Variants in MBD5 observed in about 807,000 individuals in gnomAD.
MBD5 encodes methyl-CpG-binding domain protein 5.
Under a neutral mutation model 117.3 loss-of-function variants are expected in MBD5, and 13 were observed. The ratio of observed to expected loss-of-function variants is 0.11; its 90% confidence interval spans 0.07 to 0.18. MBD5 has a LOEUF of 0.18. Ranked by LOEUF, MBD5 falls within the 10% of genes least tolerant of loss-of-function variation. The pLI is 1.00. For missense variants in MBD5, 1,879 were observed against 2,093.8 expected (o/e 0.90, Z 2.00); for synonymous variants, 727 against 766.4 (o/e 0.95, Z 0.85).
chr2:148,059,865 A>T (rs1275806245), intron 1 of MBD5, among the ~76,000 whole-genome samples: 2 of 151,628 alleles, frequency 1.3e-5, no homozygotes, highest in Non-Finnish European at 2.9e-5. Context: ...AAAAAGACAA[A>T]GGAAATTCTT....
At chr2:148,385,372 C>T (rs1704318562) in intron 4 of MBD5, among the ~76,000 whole-genome samples, 1 of 152,208 alleles carries the variant, frequency 6.6e-6, no homozygotes, top group South Asian at 2.1e-4. Context: ...CTCATCATCA[C>T]TGGCCATCAG....
intron 4 of MBD5, among the ~76,000 whole-genome samples, chr2:148,446,409 A>G (rs1486057939): frequency 6.6e-5 from 10 of 152,226 alleles, no homozygotes; most frequent in Admixed American, 5.9e-4. Context: ...AAACAAACAA[A>G]CAAACAAACA....
intron 12 of MBD5, among the ~76,000 whole-genome samples, chr2:148,509,533 G>A (rs1682149428): frequency 6.6e-6 from 1 of 152,184 alleles, no homozygotes; most frequent in African/African-American, 2.4e-5. Context: ...TCAGAGTTAA[G>A]CTGTTTCCCA....
intron 8 of MBD5, among the ~76,000 whole-genome samples, chr2:148,481,528 G>C (rs1034632456): frequency 6.6e-6 from 1 of 151,986 alleles, no homozygotes; most frequent in Non-Finnish European, 1.5e-5. Context: ...TATGTGTTTA[G>C]TATTTTTAAA....
chr2:148,344,490 T>C (rs1294818607), intron 4 of MBD5, among the ~76,000 whole-genome samples: 4 of 151,992 alleles, frequency 2.6e-5, no homozygotes, highest in Non-Finnish European at 5.9e-5. Flanking sequence ...CTGTGATTCC[T>C]AGCAGTGTTT....
chr2:148,151,819 G>C (rs888347968), intron 1 of MBD5, among the ~76,000 whole-genome samples: 1 of 151,752 alleles, frequency 6.6e-6, no homozygotes, highest in Admixed American at 6.6e-5. Context: ...GCGTCTATTT[G>C]ATTCTTCTCT....
At chr2:148,216,319 A>G (rs1409725449) in intron 2 of MBD5, among the ~76,000 whole-genome samples, 2 of 152,212 alleles carry the variant, frequency 1.3e-5, no homozygotes, top group Admixed American at 1.3e-4. Context: ...GTTAACAGTG[A>G]GATCCATTAT....
intron 3 of MBD5, among the ~76,000 whole-genome samples, chr2:148,260,940 A>G (rs1008596574): frequency 1.3e-5 from 2 of 152,214 alleles, no homozygotes; most frequent in Non-Finnish European, 2.9e-5. Context: ...GTCTCTTTGT[A>G]CATCTCCATC....
chr2:148,487,370 G>A (rs2105105873), intron 10 of MBD5, among the ~76,000 whole-genome samples: 1 of 152,284 alleles, frequency 6.6e-6, no homozygotes, highest in South Asian at 2.1e-4. Flanking sequence ...AGGGAGGTAA[G>A]AATGATGCAC....
chr2:148,030,135 G>A (rs542864045), intron 1 of MBD5, among the ~76,000 whole-genome samples: 4 of 151,988 alleles, frequency 2.6e-5, no homozygotes, highest in African/African-American at 9.7e-5. Context: ...GCCAGGCTTG[G>A]TGGCACATAC....
At chr2:148,228,117 G>T (rs1216255482) in intron 2 of MBD5, among the ~76,000 whole-genome samples, 1 of 152,148 alleles carries the variant, frequency 6.6e-6, no homozygotes, top group Non-Finnish European at 1.5e-5. Flanking sequence ...TCTCCTGCCT[G>T]ATTGCCCTGA....
In MBD5 at chr2:148,148,568, T is replaced by A. The variant is rs145727168; in HGVS notation, c.-924-30132T>A. On this transcript the variant is annotated intron_variant, in intron 1 of 13. Coordinates refer to ENST00000642680, the MANE Select transcript of MBD5 (RefSeq NM_001378120.1). ...AGTTTCTAATTCAATAAATCTGAGT[T>A]AGGGCCTGGGAATTATTTTTCCTTT... Among the ~76,000 whole-genome samples, 1,127 of 152,346 alleles carry A rather than the reference T, an allele frequency of 7.4e-3. 12 individuals carry two copies. Among genetic ancestry groups the A allele is most frequent in the African/African-American group, 0.025 (1,052 of 41,578 alleles).
At chr2:148,325,938 T>G (rs950008785) in intron 3 of MBD5, among the ~76,000 whole-genome samples, 3 of 152,186 alleles carry the variant, frequency 2.0e-5, no homozygotes, top group Non-Finnish European at 4.4e-5. Context: ...AGGGTGTCAA[T>G]TTTGGATCTT....
intron 4 of MBD5, among the ~76,000 whole-genome samples, chr2:148,412,396 T>G (rs1352571983): frequency 6.6e-6 from 1 of 151,576 alleles, no homozygotes; most frequent in African/African-American, 2.4e-5. Context: ...TAATGTGATG[T>G]TTCCACCTTT....
intron 8 of MBD5, among the ~76,000 whole-genome samples, chr2:148,479,961 A>G (rs2105044380): frequency 6.6e-6 from 1 of 152,176 alleles, no homozygotes; most frequent in Middle Eastern, 3.4e-3. Flanking sequence ...GAATAAATAT[A>G]TATTTGAGAG....
chr2:148,487,703 AG>A (rs748049298), intron 10 of MBD5, among the ~76,000 whole-genome samples: 2 of 152,146 alleles, frequency 1.3e-5, no homozygotes, highest in Non-Finnish European at 2.9e-5. Context: ...TAGGAATTAA[AG>A]AGTATAGATT....
chr2:148,061,431 T>G (rs1234433), intron 1 of MBD5, among the ~76,000 whole-genome samples: 3 of 151,588 alleles, frequency 2.0e-5, no homozygotes, highest in Non-Finnish European at 4.4e-5. Flanking sequence ...ACTCTTTCCC[T>G]CTACATAATT....
At chr2:148,369,460 G>C (rs921375983) in intron 4 of MBD5, among the ~76,000 whole-genome samples, 1 of 152,060 alleles carries the variant, frequency 6.6e-6, no homozygotes, top group Non-Finnish European at 1.5e-5. Flanking sequence ...GTATTTAGGG[G>C]TAAATTGGAA....
chr2:148,210,597 A>T (rs567745853), intron 2 of MBD5, among the ~76,000 whole-genome samples: 1 of 152,138 alleles, frequency 6.6e-6, no homozygotes, highest in East Asian at 1.9e-4. Flanking sequence ...AGCTGCTTAA[A>T]TTTAGCTCAT....
Sources: gnomAD v4.1 joint callset for allele counts (sites outside exome capture counted in the v4.1 genomes callset) on GRCh38, gnomAD v4.1.1 for gene constraint, MANE v1.5 for transcripts, NCBI Gene and HGNC (gene_info 2026-07-23, HGNC 2026-07-21) for gene names.